CIMIP4: variants seen among roughly 807,000 people sequenced by gnomAD.
The protein encoded by CIMIP4 is protein EAN57.
At chr22:36,992,370 AAAC>A in the CIMIP4 span, among the ~76,000 whole-genome samples, 1 of 151,264 alleles carries the variant, frequency 6.6e-6, no homozygotes, top group African/African-American at 2.4e-5. Context: ...AACAAACAAA[AAAC>A]CTATATTTAA....
chr22:37,000,196 G>C, the CIMIP4 span, among the ~76,000 whole-genome samples: 20 of 152,186 alleles, frequency 1.3e-4, no homozygotes, highest in Middle Eastern at 0.017. Context: ...TGTGGGTGGG[G>C]GGCATCAAGT....
chr22:36,991,425 C>T, the CIMIP4 span: 3 of 1,586,760 alleles, frequency 1.9e-6, no homozygotes, highest in African/African-American at 2.7e-5. Context: ...AGAGCCAACA[C>T]ACCCTGCTGG....
chr22:37,005,257 T>A, the CIMIP4 span, among the ~76,000 whole-genome samples: 3 of 152,130 alleles, frequency 2.0e-5, no homozygotes, highest in African/African-American at 7.2e-5. Context: ...GATGACACTT[T>A]CATTACAGCC....
At chr22:37,001,925 G>A in the CIMIP4 span, 37 of 1,613,608 alleles carry the variant, frequency 2.3e-5, no homozygotes, top group Non-Finnish European at 2.5e-5. Context: ...CTGGTTCGTG[G>A]GCGTGCTCCT....
At chr22:37,005,891 G>A in the CIMIP4 span, among the ~76,000 whole-genome samples, 2 of 152,170 alleles carry the variant, frequency 1.3e-5, no homozygotes, top group African/African-American at 4.8e-5. Flanking sequence ...CCCAAAAGAT[G>A]CTAAAATTAA....
chr22:37,003,935 A>C, the CIMIP4 span: 1 of 1,541,322 alleles, frequency 6.5e-7, no homozygotes. Flanking sequence ...CTGGATGTGC[A>C]TTCAGCACAT....
At chr22:37,002,036 C>T in the CIMIP4 span, 1 of 1,610,552 alleles carries the variant, frequency 6.2e-7, no homozygotes, top group South Asian at 1.1e-5. Flanking sequence ...GGATCGAGAG[C>T]CCGCATTCTT....
the CIMIP4 span, chr22:36,999,979 T>C: frequency 6.2e-7 from 1 of 1,611,420 alleles, no homozygotes; most frequent in Non-Finnish European, 8.5e-7. Context: ...CAATAGCCTT[T>C]TGAGCCTGAG....
chr22:36,991,571 T>A, the CIMIP4 span: 1 of 1,614,220 alleles, frequency 6.2e-7, no homozygotes, highest in Non-Finnish European at 8.5e-7. Flanking sequence ...TTCATGAGGC[T>A]CTTTGTCTCC....
At chr22:37,002,806 A>G in the CIMIP4 span, among the ~76,000 whole-genome samples, 9 of 152,118 alleles carry the variant, frequency 5.9e-5, no homozygotes, top group Non-Finnish European at 1.3e-4. Flanking sequence ...CTGGAGTTGG[A>G]TGGGACTTCC....
the CIMIP4 span, among the ~76,000 whole-genome samples, chr22:36,992,041 T>A: frequency 1.3e-5 from 2 of 152,144 alleles, no homozygotes; most frequent in African/African-American, 4.8e-5. Flanking sequence ...AATGATCAGA[T>A]ACAGAATACA....
At chr22:36,991,609 G>A in the CIMIP4 span, 2 of 1,610,506 alleles carry the variant, frequency 1.2e-6, no homozygotes, top group South Asian at 2.2e-5. Context: ...ATACCATGAA[G>A]AAACCCCAAG....
At chr22:36,993,747 A>AGAAAG in the CIMIP4 span, among the ~76,000 whole-genome samples, 2 of 152,074 alleles carry the variant, frequency 1.3e-5, no homozygotes, top group African/African-American at 4.8e-5. Context: ...AGAAAAGAAA[A>AGAAAG]GAAAAGAAAA....
chr22:37,001,898 G>A, the CIMIP4 span: 1 of 1,612,560 alleles, frequency 6.2e-7, no homozygotes, highest in Non-Finnish European at 8.5e-7. Context: ...AATGTTGTTA[G>A]GAATGATGCT....
At chr22:36,996,191 A>AAT in the CIMIP4 span, among the ~76,000 whole-genome samples, 3 of 152,062 alleles carry the variant, frequency 2.0e-5, no homozygotes, top group Non-Finnish European at 4.4e-5. Context: ...TGCAGAATAA[A>AAT]ATATATATAT....
At chr22:37,005,727 G>A in the CIMIP4 span, among the ~76,000 whole-genome samples, 2 of 152,174 alleles carry the variant, frequency 1.3e-5, no homozygotes, top group Non-Finnish European at 2.9e-5. Flanking sequence ...GAATGATTTA[G>A]CTAAAGAGTT....
the CIMIP4 span, among the ~76,000 whole-genome samples, chr22:36,997,659 G>A: frequency 1.9e-4 from 29 of 152,262 alleles, no homozygotes; most frequent in African/African-American, 6.5e-4. Flanking sequence ...ATCTCCCTAT[G>A]TCCATTCTCC....
chr22:37,001,821 G>C, the CIMIP4 span: 1 of 1,541,052 alleles, frequency 6.5e-7, no homozygotes, highest in Non-Finnish European at 8.8e-7. Flanking sequence ...CACCCTCCTG[G>C]CCCCTGCTAT....
At chr22:36,996,825 G>A in the CIMIP4 span, among the ~76,000 whole-genome samples, 1 of 152,174 alleles carries the variant, frequency 6.6e-6, no homozygotes, top group Admixed American at 6.5e-5. Context: ...TGTAATATTA[G>A]ACCAATGGAC....
Sources: allele counts gnomAD v4.1 joint callset (sites outside exome capture counted in the v4.1 genomes callset), GRCh38; gene constraint gnomAD v4.1.1; transcripts MANE v1.5; gene names NCBI Gene and HGNC (gene_info 2026-07-23, HGNC 2026-07-21).